The following GRID2 variants were observed in gnomAD, a reference collection of about 807,000 sequenced individuals.
The protein encoded by GRID2 is glutamate ionotropic receptor delta type subunit 2.
In GRID2, 33 loss-of-function variants were observed where a neutral mutation model predicts 114.8. That is an observed-to-expected ratio of 0.29 (90% CI 0.22 to 0.38). The LOEUF (loss-of-function observed/expected upper bound fraction) is 0.38. GRID2 is among the 10% of genes least tolerant of loss of function. The probability of loss-of-function intolerance (pLI) is 1.00; values close to 1 mark genes in which losing one functional copy is unlikely to be tolerated. For synonymous variants in GRID2, 505 were observed against 449.9 expected (o/e 1.12, Z -1.55); for missense variants, 1,184 against 1,257.7 (o/e 0.94, Z 0.89).
At chr4:92,714,950 G>T (rs998021863) in intron 2 of GRID2, among the ~76,000 whole-genome samples, 3 of 152,182 alleles carry the variant, frequency 2.0e-5, no homozygotes, top group Non-Finnish European at 4.4e-5. Flanking sequence ...TTGGCTCCTA[G>T]TTACTTATGC....
chr4:92,949,955 C>T (rs1227270863), intron 2 of GRID2, among the ~76,000 whole-genome samples: 6 of 152,022 alleles, frequency 3.9e-5, no homozygotes, highest in Non-Finnish European at 8.8e-5. Flanking sequence ...ACCCATTTGT[C>T]TTTAGCTGTT....
Position 93,629,496 on chromosome 4 carries a change from T to C in GRID2, c.2360+3061T>C, listed in dbSNP as rs528052355. 1.2e-4 allele frequency among the ~76,000 whole-genome samples: 19 copies of C among 152,274 alleles called. 1 individual carries two copies. The South Asian group carries it at 3.3e-3, about 27-fold the overall frequency. On this transcript the variant is annotated intron_variant, in intron 14 of 15. Coordinates refer to ENST00000282020, the MANE Select transcript of GRID2 (RefSeq NM_001510.4). ...CAGAAAATATTTGCATTTGTTCCAT[T>C]TTTTTATAGCCATAAGGAAAAAGAG...
intron 8 of GRID2, among the ~76,000 whole-genome samples, chr4:93,380,677 T>A (rs1278220442): frequency 6.6e-6 from 1 of 152,004 alleles, no homozygotes; most frequent in Non-Finnish European, 1.5e-5. Context: ...TACAACTTCT[T>A]ACTAATAGAA....
chr4:92,342,205 A>T (rs1378010710), intron 1 of GRID2, among the ~76,000 whole-genome samples: 3 of 152,198 alleles, frequency 2.0e-5, no homozygotes, highest in African/African-American at 7.2e-5. Flanking sequence ...ATAAATATTT[A>T]TACACATATG....
chr4:92,551,658 G>C (rs1308764174), intron 1 of GRID2, among the ~76,000 whole-genome samples: 1 of 152,038 alleles, frequency 6.6e-6, no homozygotes, highest in Non-Finnish European at 1.5e-5. Flanking sequence ...TAAATTAATG[G>C]ACTTATACTG....
intron 1 of GRID2, among the ~76,000 whole-genome samples, chr4:92,314,473 A>AT (rs1158049396): frequency 6.6e-6 from 1 of 152,060 alleles, no homozygotes; most frequent in Non-Finnish European, 1.5e-5. Context: ...CTTTGGAAAC[A>AT]TTTTTTTAAA....
At chr4:92,992,183 G>C (rs1560776866) in intron 2 of GRID2, among the ~76,000 whole-genome samples, 1 of 152,140 alleles carries the variant, frequency 6.6e-6, no homozygotes, top group Non-Finnish European at 1.5e-5. Flanking sequence ...CTCAGAGGAT[G>C]AGCCATTCTC....
intron 8 of GRID2, among the ~76,000 whole-genome samples, chr4:93,294,745 A>T (rs1000187167): frequency 1.3e-5 from 2 of 152,054 alleles, no homozygotes; most frequent in African/African-American, 2.4e-5. Context: ...TTTTCAGTAC[A>T]GATGGAGTTT....
intron 14 of GRID2, among the ~76,000 whole-genome samples, chr4:93,732,581 AT>A (rs754132322): frequency 1.3e-5 from 2 of 151,976 alleles, no homozygotes; most frequent in African/African-American, 2.4e-5. Flanking sequence ...TTATTGTTGA[AT>A]TTTTTTTAAT....
intron 2 of GRID2, among the ~76,000 whole-genome samples, chr4:92,920,357 C>A (rs932875587): frequency 7.2e-5 from 11 of 151,994 alleles, no homozygotes; most frequent in African/African-American, 2.4e-4. Flanking sequence ...ATTTAAAATT[C>A]ATATTGTTAT....
At chr4:93,121,169 A>C (rs1733751314) in intron 4 of GRID2, among the ~76,000 whole-genome samples, 1 of 152,114 alleles carries the variant, frequency 6.6e-6, no homozygotes, top group Non-Finnish European at 1.5e-5. Context: ...TTTCTAAAAT[A>C]AATTATTTGG....
chr4:93,295,219 G>A (rs758238298), intron 8 of GRID2, among the ~76,000 whole-genome samples: 11 of 152,146 alleles, frequency 7.2e-5, no homozygotes, highest in Non-Finnish European at 1.5e-4. Flanking sequence ...ACATGGGGAA[G>A]ATTTAAAATA....
intron 1 of GRID2, among the ~76,000 whole-genome samples, chr4:92,389,586 T>C (rs1730145374): frequency 6.6e-6 from 1 of 152,094 alleles, no homozygotes; most frequent in Admixed American, 6.6e-5. Context: ...AAGTAGGTGC[T>C]ACAATCTTTA....
chr4:93,678,801 C>T (rs1269138069), intron 14 of GRID2, among the ~76,000 whole-genome samples: 1 of 151,164 alleles, frequency 6.6e-6, no homozygotes, highest in African/African-American at 2.5e-5. Context: ...AAGGAACAAT[C>T]AGTACCAGCC....
intron 2 of GRID2, chr4:92,821,984 A>G (rs892122327): frequency 6.0e-6 from 1 of 165,978 alleles, no homozygotes; most frequent in African/African-American, 2.4e-5. Context: ...TGCCATAAAT[A>G]TCTAGCAGGT....
At chr4:93,236,814 C>T (rs568580805) in intron 7 of GRID2, among the ~76,000 whole-genome samples, 109 of 151,936 alleles carry the variant, frequency 7.2e-4, no homozygotes, top group African/African-American at 1.8e-3. Flanking sequence ...AATATTTAAG[C>T]GTATAATAAT....
intron 10 of GRID2, among the ~76,000 whole-genome samples, chr4:93,443,803 A>T (rs1432688514): frequency 2.6e-5 from 4 of 151,862 alleles, no homozygotes; most frequent in Non-Finnish European, 5.9e-5. Context: ...TTCAGGCAGT[A>T]TATAGCCAAG....
At chr4:93,206,319 A>T (rs1017291720) in intron 4 of GRID2, among the ~76,000 whole-genome samples, 2 of 152,008 alleles carry the variant, frequency 1.3e-5, no homozygotes, top group Non-Finnish European at 2.9e-5. Context: ...TTGTGATGCA[A>T]TGCACCTCTT....
chr4:93,035,525 C>T (rs1724855504), intron 2 of GRID2, among the ~76,000 whole-genome samples: 1 of 152,202 alleles, frequency 6.6e-6, no homozygotes, highest in Non-Finnish European at 1.5e-5. Context: ...CTGTGGGTCG[C>T]CTGCAAACTG....
Sources: gnomAD v4.1 joint callset for allele counts (sites outside exome capture counted in the v4.1 genomes callset) on GRCh38, gnomAD v4.1.1 for gene constraint, MANE v1.5 for transcripts, NCBI Gene and HGNC (gene_info 2026-07-23, HGNC 2026-07-21) for gene names.